Variants in FAM227A observed in about 807,000 individuals in gnomAD.
The protein encoded by FAM227A is protein FAM227A.
In FAM227A, 80 loss-of-function variants were observed where a neutral mutation model predicts 74.7. The ratio of observed to expected loss-of-function variants is 1.07; its 90% CI spans 0.89 to 1.29. FAM227A has a LOEUF of 1.29. FAM227A is among the 50% of genes most tolerant of loss of function. The pLI is 0.00. For missense variants in FAM227A, 654 were observed against 683.4 expected, an observed-to-expected ratio of 0.96 and a Z score of 0.48; for synonymous variants, 237 against 241.8, an observed-to-expected ratio of 0.98 and a Z score of 0.19.
In FAM227A at chr22:38,580,287, T is replaced by G. The variant is rs1296517372; in HGVS notation, c.*5838A>C. On this transcript the variant is annotated 3_prime_UTR_variant, in exon 17 of 17. Coordinates refer to ENST00000535113, the MANE Select transcript of FAM227A (RefSeq NM_001013647.2). ...CCTCTCTTTTTCCCTTGAAACTTAT[T>G]TGTTGAAAAAAATGAAGTCATTTGC... 6 of 152,160 alleles carry G rather than the reference T, an allele frequency of 3.9e-5. No homozygotes were observed. Among genetic ancestry groups the G allele is most frequent in the African/African-American group, 1.4e-4 (6 of 41,426 alleles). The allele number at this position is 152,160 out of a possible 1,614,324, so 9.4% of individuals were successfully genotyped here.
chr22:38,613,278 A>G (rs1387679128), intron 11 of FAM227A, among the ~76,000 whole-genome samples: 1 of 85,410 alleles, frequency 1.2e-5, no homozygotes, highest in Non-Finnish European at 2.1e-5. Context: ...TATATTATAT[A>G]TCATATATAA....
intron 2 of FAM227A, 119 bp downstream of exon 2, chr22:38,649,908 A>T: frequency 1.1e-6 from 1 of 879,762 alleles, no homozygotes; most frequent in South Asian, 1.9e-5. Flanking sequence ...AAATGAATGT[A>T]TAAGGGACAA....
chr22:38,636,242 T>G (rs979873009), intron 6 of FAM227A, among the ~76,000 whole-genome samples: 2 of 152,216 alleles, frequency 1.3e-5, no homozygotes, highest in Non-Finnish European at 2.9e-5. Context: ...CAGTAGGATA[T>G]GTGATCAAAA....
At chr22:38,644,768 C>T (rs985178328) in intron 3 of FAM227A, among the ~76,000 whole-genome samples, 1 of 152,148 alleles carries the variant, frequency 6.6e-6, no homozygotes, top group Non-Finnish European at 1.5e-5. Context: ...TGCTCGATTT[C>T]GCTGTGAACT....
At chr22:38,609,470 A>G (rs561772427) in intron 11 of FAM227A, among the ~76,000 whole-genome samples, 1 of 152,282 alleles carries the variant, frequency 6.6e-6, no homozygotes, top group South Asian at 2.1e-4. Context: ...TCTGGGCGAG[A>G]GCTGGAGGGC....
At position 38,636,486 on chromosome 22, in the gene FAM227A, C is replaced by T. The variant is rs141840885; in HGVS notation, c.484G>A (p.Val162Met). 1.5e-4 allele frequency: 230 copies of T among 1,551,592 alleles called. No individual in the cohort carries two copies. In the African/African-American group the frequency reaches 2.1e-3, roughly 14 times the overall value. ...AGGCAGTCTCTCTCAGCCCGGACCA[C>T]GTTGCCCACCATGTCACAGAAGTCC... ...GVDFCDMVGN[V>M]VRAERDCLSG... Residue 162 changes from valine to methionine, a missense_variant, in exon 6 of 17, where the codon GTG becomes ATG. Physicochemically the swap from Val to Met is conservative, Grantham distance 21. Transcript: ENST00000535113.
chr22:38,646,321 G>A lies in FAM227A; in HGVS notation c.143-676C>T, dbSNP rs532144423. Among the ~76,000 whole-genome samples the A allele has an allele frequency of 5.4e-4, 75 of 138,362 alleles. 1 individual carries two copies. In the South Asian group the frequency reaches 0.017, roughly 31 times the overall value. The allele number at this position is 138,362 out of a possible 152,430, so 90.8% of individuals were successfully genotyped here. A position where few individuals can be genotyped will look rare whatever the true frequency, so the allele number is the denominator to read the frequency against. On this transcript the variant is annotated intron_variant, in intron 2 of 16. Coordinates refer to ENST00000535113, the MANE Select transcript of FAM227A (RefSeq NM_001013647.2). ...GTCGCCCAGGCTGGAGTGCAGTGGC[G>A]GGATCTCGGCTCACTGCAAGCTCCG...
Position 38,591,542 on chromosome 22 carries a change from T to C in FAM227A, c.1533-2A>G. The C allele has an allele frequency of 6.5e-7, 1 of 1,538,802 alleles. No individual in the cohort carries two copies. The highest frequency in any genetic ancestry group is 8.8e-7 in the Non-Finnish European group (1 of 1,141,984). ...TTTGGATCAATATTCTTCATTTCCC[T>C]GGGAGGAAAACACAGAGACATATGG... On this transcript the variant is annotated splice_acceptor_variant, in intron 15 of 16. Transcript: ENST00000535113. LOFTEE classifies it high-confidence loss of function.
intron 13 of FAM227A, 99 bp downstream of exon 13, chr22:38,605,155 A>G (rs2091257440): frequency 1.4e-6 from 1 of 701,872 alleles, no homozygotes; most frequent in Non-Finnish European, 2.5e-6. Flanking sequence ...TACCTGGCAT[A>G]TAGTAAATAT....
rs375654561 is a variant in FAM227A at position 38,631,475 on chromosome 22, A to G, written c.520-2540T>C. On this transcript the variant is annotated intron_variant, in intron 6 of 16. Coordinates refer to ENST00000535113, the MANE Select transcript of FAM227A (RefSeq NM_001013647.2). Reference sequence around the variant, plus strand: ...GGGAAATGGGTTCACTAGAAGCCCAATCCTCACCAGTATGCAATATACTCA... The same window carrying G: ...GGGAAATGGGTTCACTAGAAGCCCAGTCCTCACCAGTATGCAATATACTCA... 2.0e-4 allele frequency among the ~76,000 whole-genome samples: 30 copies of G among 152,276 alleles called. 1 individual carries two copies. The highest frequency in any genetic ancestry group is 6.7e-4 in the African/African-American group (28 of 41,548).
chr22:38,643,420 C>T (rs1334906219), intron 3 of FAM227A, among the ~76,000 whole-genome samples: 3 of 152,064 alleles, frequency 2.0e-5, no homozygotes, highest in East Asian at 3.9e-4. Flanking sequence ...GACGGATGTC[C>T]CTGGGGAAAT....
chr22:38,635,844 T>G (rs570051273), intron 6 of FAM227A, among the ~76,000 whole-genome samples: 1 of 151,808 alleles, frequency 6.6e-6, no homozygotes, highest in Non-Finnish European at 1.5e-5. Flanking sequence ...TACAAAAAAA[T>G]TTTTTTAAAA....
chr22:38,589,030 G>A (rs534383944), intron 16 of FAM227A, among the ~76,000 whole-genome samples: 1 of 152,064 alleles, frequency 6.6e-6, no homozygotes. Flanking sequence ...CCCAGTACCC[G>A]TGAATAAGAC....
At position 38,584,295 on chromosome 22, in the gene FAM227A, T is replaced by C. The variant is rs2090761657; in HGVS notation, c.*1830A>G. The C allele has an allele frequency of 6.6e-6, 1 of 151,302 alleles. No homozygotes were observed. Among genetic ancestry groups the C allele is most frequent in the Admixed American group, 6.6e-5 (1 of 15,150 alleles). 9.4% of individuals were successfully genotyped at this position (151,302 alleles called of 1,614,324 possible). ...TAGACATCTAGCAAATACCTAATCA[T>C]CCCCCCCAAGTCCGTTTCTTCCTAG... On this transcript the variant is annotated 3_prime_UTR_variant, in exon 17 of 17. Transcript: ENST00000535113.
chr22:38,588,499 G>C lies in FAM227A; in HGVS notation c.1639-2300C>G, dbSNP rs559432162. Among the ~76,000 whole-genome samples the C allele has an allele frequency of 7.3e-5, 11 of 150,774 alleles. No homozygotes were observed. The East Asian group carries it at 2.2e-3, about 30-fold the overall frequency. On this transcript the variant is annotated intron_variant, in intron 16 of 16. Coordinates refer to ENST00000535113, the MANE Select transcript of FAM227A (RefSeq NM_001013647.2). ...CCGGGCGTGGTGGTGCACACCTGTA[G>C]TCCCAGCTACTCAGGAGGCTGAGGC...
chr22:38,619,278 G>A (rs1010788183), intron 11 of FAM227A, among the ~76,000 whole-genome samples: 1 of 152,158 alleles, frequency 6.6e-6, no homozygotes, highest in Non-Finnish European at 1.5e-5. Flanking sequence ...ATTCTGGGGT[G>A]TGGAGGGTGT....
intron 13 of FAM227A, among the ~76,000 whole-genome samples, chr22:38,601,238 G>A (rs2091170395): frequency 6.6e-6 from 1 of 152,118 alleles, no homozygotes; most frequent in Admixed American, 6.6e-5. Flanking sequence ...GAGAGTGGTA[G>A]GGAGGAGAGG....
chr22:38,598,776 A>G (rs918906355), intron 14 of FAM227A, among the ~76,000 whole-genome samples: 1 of 152,118 alleles, frequency 6.6e-6, no homozygotes, highest in African/African-American at 2.4e-5. Context: ...GAAAAAAATG[A>G]GGCACAGAGA....
At chr22:38,630,783 G>A (rs983250227) in intron 6 of FAM227A, among the ~76,000 whole-genome samples, 1 of 152,204 alleles carries the variant, frequency 6.6e-6, no homozygotes, top group Non-Finnish European at 1.5e-5. Flanking sequence ...CAGTGTGATA[G>A]GATCCCCGGG....
Sources: allele counts gnomAD v4.1 joint callset (sites outside exome capture counted in the v4.1 genomes callset), GRCh38; gene constraint gnomAD v4.1.1; transcripts MANE v1.5; gene names NCBI Gene and HGNC (gene_info 2026-07-23, HGNC 2026-07-21).